KLRG1: variants seen among roughly 807,000 people sequenced by gnomAD.
The protein encoded by KLRG1 is killer cell lectin-like receptor subfamily G member 1.
In KLRG1, 16 loss-of-function variants were observed where a neutral mutation model predicts 21.8. That is an observed-to-expected ratio of 0.73 (90% CI 0.50 to 1.11). The LOEUF (loss-of-function observed/expected upper bound fraction) is 1.11, where lower values mean the gene tolerates loss of function less well. Among genes scored for constraint, KLRG1 ranks in the 50% most tolerant of loss-of-function variants. KLRG1 has a pLI of 0.00. For synonymous variants in KLRG1, 69 were observed against 75.9 expected (o/e 0.91, Z 0.47); for missense variants, 173 against 218.3 (o/e 0.79, Z 1.31).
chr12:9,152,832 C>A, the KLRG1 span: 1 of 1,614,018 alleles, frequency 6.2e-7, no homozygotes, highest in South Asian at 1.1e-5. Flanking sequence ...ACCTGATGGT[C>A]AGTGAGATCT....
chr12:9,093,575 T>C, the KLRG1 span: 2 of 1,584,648 alleles, frequency 1.3e-6, no homozygotes, highest in Non-Finnish European at 8.6e-7. Context: ...CCATTACATC[T>C]GACTCTATGG....
the KLRG1 span, chr12:9,182,132 G>GAGTGAGACAAAACGGTCATA: frequency 6.4e-7 from 1 of 1,554,330 alleles, no homozygotes; most frequent in Non-Finnish European, 8.7e-7. Context: ...AACATGGAGA[G>GAGTGAGACAAAACGGTCATA]AGTGAGACAA....
chr12:9,057,816 T>C, the KLRG1 span: 1 of 152,272 alleles, frequency 6.6e-6, no homozygotes, highest in Non-Finnish European at 1.5e-5. Flanking sequence ...AATTTTTTAG[T>C]GGGCTAATAG....
chr12:9,166,270 G>T, the KLRG1 span: 1 of 1,509,800 alleles, frequency 6.6e-7, no homozygotes, highest in Non-Finnish European at 9.0e-7. Flanking sequence ...CATGTGAGAC[G>T]TTAGAGAACA....
the KLRG1 span, among the ~76,000 whole-genome samples, chr12:9,145,351 TG>T: frequency 6.6e-6 from 1 of 152,112 alleles, no homozygotes; most frequent in Non-Finnish European, 1.5e-5. Flanking sequence ...ATAGACTTTT[TG>T]GGGTTACCTT....
chr12:9,104,021 G>T, the KLRG1 span, among the ~76,000 whole-genome samples: 1 of 152,094 alleles, frequency 6.6e-6, no homozygotes, highest in African/African-American at 2.4e-5. Context: ...GCCATTTTAC[G>T]TTCCCAGCAA....
intron 3 of KLRG1, among the ~76,000 whole-genome samples, chr12:9,005,511 G>A (rs988403339): frequency 6.6e-6 from 1 of 152,168 alleles, no homozygotes; most frequent in Non-Finnish European, 1.5e-5. Context: ...AACACTGCAT[G>A]TTCTCGCTTA....
At chr12:9,168,673 G>T in the KLRG1 span, 1 of 502,018 alleles carries the variant, frequency 2.0e-6, no homozygotes, top group Non-Finnish European at 3.5e-6. Context: ...TGAAGTATCG[G>T]ATGTATCTAA....
the KLRG1 span, among the ~76,000 whole-genome samples, chr12:9,050,470 A>T: frequency 6.6e-6 from 1 of 152,128 alleles, no homozygotes; most frequent in Non-Finnish European, 1.5e-5. Context: ...GGGGCTCCCC[A>T]AGGTGCTGCT....
Position 9,009,830 on chromosome 12 carries a change from C to T in KLRG1, c.*293C>T. On this transcript the variant is annotated 3_prime_UTR_variant, in exon 5 of 5. Transcript: ENST00000356986. ...GGAAACTAATGCTGCCACTCTCATC[C>T]CCGTCCCAACCATCTCTGTCAAAAA... is the stretch of plus-strand genomic sequence containing the variant. 10 of 1,437,914 alleles carry T rather than the reference C, an allele frequency of 7.0e-6. No individual in the cohort carries two copies. The highest frequency in any genetic ancestry group is 9.1e-6 in the Non-Finnish European group (10 of 1,100,790). The allele number at this position is 1,437,914 out of a possible 1,614,324, so 89.1% of individuals were successfully genotyped here.
intron 3 of KLRG1, among the ~76,000 whole-genome samples, chr12:9,004,424 A>C (rs1314895700): frequency 1.3e-5 from 2 of 152,190 alleles, no homozygotes; most frequent in East Asian, 1.9e-4. Flanking sequence ...TTCTTGCAGC[A>C]TAATACCTAA....
At chr12:9,165,452 G>T in the KLRG1 span, 2 of 1,442,216 alleles carry the variant, frequency 1.4e-6, no homozygotes, top group Non-Finnish European at 1.9e-6. Flanking sequence ...TAAAGCTAAC[G>T]TCAAGAACTG....
At chr12:9,004,453 TATAG>T (rs2137411136) in intron 3 of KLRG1, among the ~76,000 whole-genome samples, 1 of 152,328 alleles carries the variant, frequency 6.6e-6, no homozygotes, top group African/African-American at 2.4e-5. Flanking sequence ...TCTTTATTTC[TATAG>T]ATACTTATTA....
the KLRG1 span, chr12:9,194,109 T>A: frequency 2.5e-6 from 4 of 1,613,950 alleles, no homozygotes; most frequent in South Asian, 4.4e-5. Flanking sequence ...GAGATACTGG[T>A]AGTATTGATT....
chr12:9,125,660 T>C, the KLRG1 span, among the ~76,000 whole-genome samples: 1 of 152,240 alleles, frequency 6.6e-6, no homozygotes, highest in Non-Finnish European at 1.5e-5. Flanking sequence ...ATGGACTCTT[T>C]CCAAAGACTT....
At chr12:9,067,741 T>C in the KLRG1 span, 1 of 1,261,168 alleles carries the variant, frequency 7.9e-7, no homozygotes, top group Admixed American at 1.8e-5. Flanking sequence ...ATTCATCAAG[T>C]CTTTAAAGAT....
the KLRG1 span, among the ~76,000 whole-genome samples, chr12:9,073,893 G>T: frequency 6.6e-6 from 1 of 152,094 alleles, no homozygotes; most frequent in African/African-American, 2.4e-5. Flanking sequence ...TTCGAGATCA[G>T]CCTGGGCAAC....
chr12:9,160,371 C>T, the KLRG1 span: 1 of 1,614,188 alleles, frequency 6.2e-7, no homozygotes. Flanking sequence ...TGCTGGGTTT[C>T]ATTCAGATAG....
the KLRG1 span, among the ~76,000 whole-genome samples, chr12:9,068,555 T>C: frequency 1.3e-5 from 2 of 152,206 alleles, no homozygotes; most frequent in African/African-American, 4.8e-5. Context: ...TTGATAAATT[T>C]ATAATGTAGG....
Sources: allele counts gnomAD v4.1 joint callset (sites outside exome capture counted in the v4.1 genomes callset), GRCh38; gene constraint gnomAD v4.1.1; transcripts MANE v1.5; gene names NCBI Gene and HGNC (gene_info 2026-07-23, HGNC 2026-07-21).